HECW1: variants seen among roughly 807,000 people sequenced by gnomAD.
HECW1 encodes the protein E3 ubiquitin-protein ligase HECW1.
In HECW1, 61 loss-of-function variants were observed where a neutral mutation model predicts 182.3. That is an observed-to-expected ratio of 0.33 (90% CI 0.27 to 0.41). The LOEUF (loss-of-function observed/expected upper bound fraction) is 0.41, where lower values mean the gene tolerates loss of function less well. Among genes scored for constraint, HECW1 ranks in the 10% least tolerant of loss-of-function variants. The pLI is 1.00. For synonymous variants in HECW1, 859 were observed against 832.6 expected (o/e 1.03, Z -0.55); for missense variants, 1,739 against 2,108.9 (o/e 0.82, Z 3.44).
intron 15 of HECW1, 74 bp from the exon 16 acceptor site, chr7:43,468,846 G>C: frequency 7.8e-7 from 1 of 1,289,624 alleles, no homozygotes; most frequent in South Asian, 1.3e-5. Context: ...CAGTGTTAGG[G>C]TGCTCATAGT....
At chr7:43,310,736 A>G (rs764963462) in intron 3 of HECW1, among the ~76,000 whole-genome samples, 4 of 152,368 alleles carry the variant, frequency 2.6e-5, no homozygotes, top group Non-Finnish European at 5.9e-5. Flanking sequence ...CTGGTAAACA[A>G]AAAGTCAATA....
chr7:43,273,706 T>C (rs565412537), intron 3 of HECW1, among the ~76,000 whole-genome samples: 29 of 152,222 alleles, frequency 1.9e-4, no homozygotes, highest in African/African-American at 6.5e-4. Flanking sequence ...ATCAGGATAT[T>C]TGACAATATA....
chr7:43,126,619 A>T (rs1786272593), intron 2 of HECW1, among the ~76,000 whole-genome samples: 1 of 152,162 alleles, frequency 6.6e-6, no homozygotes, highest in South Asian at 2.1e-4. Context: ...ATTTCACTTT[A>T]TTGCACTTCC....
At chr7:43,264,899 T>A (rs1016234223) in intron 3 of HECW1, among the ~76,000 whole-genome samples, 1 of 151,872 alleles carries the variant, frequency 6.6e-6, no homozygotes, top group Non-Finnish European at 1.5e-5. Context: ...GCAGTCTGCT[T>A]CCCCTTCTAA....
chr7:43,221,548 T>G (rs1344984977), intron 2 of HECW1, among the ~76,000 whole-genome samples: 1 of 24,696 alleles, frequency 4.0e-5, no homozygotes, highest in Admixed American at 3.1e-4. Context: ...TTTTTTTTTT[T>G]TTTTTTTTTT....
intron 8 of HECW1, among the ~76,000 whole-genome samples, chr7:43,429,994 T>G (rs1432752786): frequency 6.6e-6 from 1 of 152,264 alleles, no homozygotes; most frequent in African/African-American, 2.4e-5. Flanking sequence ...CCTGCCTTAC[T>G]CTTGAATATC....
intron 9 of HECW1, chr7:43,439,363 C>T (rs1045562405): frequency 6.6e-6 from 1 of 152,180 alleles, no homozygotes; most frequent in Non-Finnish European, 1.5e-5. Flanking sequence ...GGAATTCAGA[C>T]TCACACCTGT....
chr7:43,254,304 C>T (rs1800338836), intron 3 of HECW1, among the ~76,000 whole-genome samples: 1 of 152,066 alleles, frequency 6.6e-6, no homozygotes, highest in African/African-American at 2.4e-5. Context: ...AATGAAGCCC[C>T]ACTTAAGTGA....
At chr7:43,123,059 C>G (rs1254144992) in intron 2 of HECW1, among the ~76,000 whole-genome samples, 1 of 152,158 alleles carries the variant, frequency 6.6e-6, no homozygotes, top group Non-Finnish European at 1.5e-5. Flanking sequence ...CCCTCCCATG[C>G]AGAAACATCT....
intron 5 of HECW1, among the ~76,000 whole-genome samples, chr7:43,359,518 TATA>T (rs1347071947): frequency 6.6e-6 from 1 of 152,242 alleles, no homozygotes; most frequent in Non-Finnish European, 1.5e-5. Context: ...AGTTGTTCTG[TATA>T]ATAAGTAATG....
intron 5 of HECW1, among the ~76,000 whole-genome samples, chr7:43,328,188 T>C (rs1286808562): frequency 6.6e-6 from 1 of 152,014 alleles, no homozygotes; most frequent in East Asian, 1.9e-4. Flanking sequence ...TTAGCTCTGT[T>C]TGGTGGCATG....
chr7:43,554,661 G>A lies in HECW1; in HGVS notation c.4580G>A (p.Arg1527Lys). 2 of 1,614,020 alleles carry A rather than the reference G, an allele frequency of 1.2e-6. No individual in the cohort carries two copies. Among genetic ancestry groups the A allele is most frequent in the Non-Finnish European group, 1.7e-6 (2 of 1,179,968 alleles). Residue 1527 changes from arginine (R) to lysine (K), a missense_variant, in exon 29 of 30, where the codon AGG becomes AAG. Arg to Lys is a conservative substitution (Grantham distance 26). Transcript: ENST00000395891. ...AAVERFNNEQRLRLLQFVTGT... is the reference protein window; with the variant it reads ...AAVERFNNEQKLRLLQFVTGT... The stretch of plus-strand genomic sequence containing the variant: ...GTGGAGCGCTTCAATAATGAGCAGA[G>A]GCTGAGATTACTGCAGTTTGTCACG...
chr7:43,433,464 T>C (rs922819040), intron 8 of HECW1, among the ~76,000 whole-genome samples: 4 of 152,190 alleles, frequency 2.6e-5, no homozygotes, highest in African/African-American at 9.6e-5. Context: ...TCCAGATTTT[T>C]CTGAGAACCA....
At chr7:43,452,897 C>A (rs2077280361) in intron 12 of HECW1, among the ~76,000 whole-genome samples, 1 of 152,174 alleles carries the variant, frequency 6.6e-6, no homozygotes, top group African/African-American at 2.4e-5. Flanking sequence ...ATGGCCACTG[C>A]CAGTCGGGAG....
intron 3 of HECW1, among the ~76,000 whole-genome samples, chr7:43,258,221 T>C (rs999296097): frequency 3.9e-5 from 6 of 152,118 alleles, no homozygotes; most frequent in Non-Finnish European, 8.8e-5. Flanking sequence ...ACATGGCCTG[T>C]AGTCCCAGCT....
At chr7:43,238,548 GAAGA>G (rs1798592576) in intron 2 of HECW1, among the ~76,000 whole-genome samples, 1 of 152,208 alleles carries the variant, frequency 6.6e-6, no homozygotes, top group African/African-American at 2.4e-5. Flanking sequence ...CTCAGCTTGG[GAAGA>G]AAGTGTCAAA....
At chr7:43,485,254 C>G (rs781404875) in intron 17 of HECW1, among the ~76,000 whole-genome samples, 3 of 152,086 alleles carry the variant, frequency 2.0e-5, no homozygotes, top group Non-Finnish European at 4.4e-5. Flanking sequence ...TTCATGGGCT[C>G]TGGTGACATG....
At chr7:43,120,789 G>A (rs539853208) in intron 2 of HECW1, among the ~76,000 whole-genome samples, 1 of 152,176 alleles carries the variant, frequency 6.6e-6, no homozygotes, top group African/African-American at 2.4e-5. Flanking sequence ...GACTACAGGT[G>A]CACACCACCA....
intron 2 of HECW1, among the ~76,000 whole-genome samples, chr7:43,141,577 G>GCGCCTC (rs1287234850): frequency 6.6e-6 from 1 of 151,876 alleles, no homozygotes; most frequent in Non-Finnish European, 1.5e-5. Flanking sequence ...TCAGCTCACC[G>GCGCCTC]CGCCTCCGCC....
Sources: allele counts gnomAD v4.1 joint callset (sites outside exome capture counted in the v4.1 genomes callset), GRCh38; gene constraint gnomAD v4.1.1; transcripts MANE v1.5; gene names NCBI Gene and HGNC (gene_info 2026-07-23, HGNC 2026-07-21).